Variants in BCR observed in about 807,000 individuals in gnomAD.
BCR encodes BCR activator of RhoGEF and GTPase.
BCR carries 58 observed loss-of-function variants against 138.6 expected under a neutral mutation model. The ratio of observed to expected loss-of-function variants is 0.42; its 90% CI spans 0.34 to 0.52. BCR has a LOEUF of 0.52. BCR is among the 20% of genes least tolerant of loss of function. The pLI, the probability that BCR is intolerant of heterozygous loss-of-function variation, is 0.06. For synonymous variants in BCR, 786 were observed against 730.1 expected (o/e 1.08, Z -1.23); for missense variants, 1,599 against 1,727.2 (o/e 0.93, Z 1.32).
At chr22:23,215,994 G>C (rs1208654148) in intron 1 of BCR, among the ~76,000 whole-genome samples, 1 of 152,170 alleles carries the variant, frequency 6.6e-6, no homozygotes, top group Non-Finnish European at 1.5e-5. Flanking sequence ...ATCTGGCTGA[G>C]CTGGTAATTA....
rs144690344 is a variant in BCR at position 23,284,081 on chromosome 22, C to T, written c.2220C>T (p.Leu740=). 1.4e-5 allele frequency: 22 copies of T among 1,612,288 alleles called. No homozygotes were observed. The highest frequency in any genetic ancestry group is 1.6e-5 in the Non-Finnish European group (19 of 1,179,500). ...LFTDLLLCTK[L]KKQSGGKTQQ... is the part of the protein sequence containing the mutation. ...CCGACCTGCTTCTCTGCACCAAGCT[C>T]AAGAAGCAGAGCGGAGGGTGAGTGA... The change falls in exon 9 of 23, where the codon CTC becomes CTT. Residue 740 remains leucine (L), a synonymous_variant. Coordinates refer to ENST00000305877, the MANE Select transcript of BCR (RefSeq NM_004327.4).
At chr22:23,207,921 C>G (rs1299789488) in intron 1 of BCR, among the ~76,000 whole-genome samples, 1 of 152,154 alleles carries the variant, frequency 6.6e-6, no homozygotes, top group Non-Finnish European at 1.5e-5. Context: ...CCCGTGTGTG[C>G]CTGTGACACC....
At chr22:23,306,587 C>T (rs1746791577) in intron 16 of BCR, among the ~76,000 whole-genome samples, 1 of 152,208 alleles carries the variant, frequency 6.6e-6, no homozygotes, top group Admixed American at 6.5e-5. Context: ...TTGGAAATTC[C>T]CGTAACCAAT....
chr22:23,273,019 G>A, intron 6 of BCR, 62 bp from the exon 7 acceptor site: 1 of 1,568,364 alleles, frequency 6.4e-7, no homozygotes, highest in Non-Finnish European at 8.8e-7. Context: ...CACCGAGGGT[G>A]GTCAGGCAGC....
At chr22:23,245,866 AC>A (rs2073151602) in intron 1 of BCR, among the ~76,000 whole-genome samples, 1 of 152,164 alleles carries the variant, frequency 6.6e-6, no homozygotes, top group South Asian at 2.1e-4. Context: ...TTTAAAGTGA[AC>A]AATTCCGTGG....
At chr22:23,313,940 C>G (rs1243504323) in intron 20 of BCR, 28 bp from the exon 21 acceptor site, 2 of 1,596,050 alleles carry the variant, frequency 1.3e-6, no homozygotes, top group East Asian at 2.2e-5. Flanking sequence ...CGTTGTGACC[C>G]CAAGGAGTAA....
chr22:23,189,795 T>C (rs995534523), intron 1 of BCR, among the ~76,000 whole-genome samples: 2 of 152,052 alleles, frequency 1.3e-5, no homozygotes, highest in African/African-American at 2.4e-5. Context: ...CCACCGCTCC[T>C]AGCCTAGCCC....
chr22:23,306,099 A>C (rs1444279310), intron 16 of BCR: 1 of 152,260 alleles, frequency 6.6e-6, no homozygotes, highest in Non-Finnish European at 1.5e-5. Context: ...TCTTTGGAAC[A>C]GAGCCAGCCT....
intron 1 of BCR, among the ~76,000 whole-genome samples, chr22:23,217,743 T>C (rs2072773155): frequency 6.6e-6 from 1 of 152,240 alleles, no homozygotes; most frequent in African/African-American, 2.4e-5. Flanking sequence ...TGTAAATGTT[T>C]GAAAATAAAT....
chr22:23,182,039 A>G lies in BCR; in HGVS notation c.1079A>G (p.Tyr360Cys). Residue 360 changes from tyrosine to cysteine, a missense_variant, in exon 1 of 23, where the codon TAC becomes TGC. Coordinates refer to ENST00000305877, the MANE Select transcript of BCR (RefSeq NM_004327.4). ...CGCGTGTCCCCAAGCCCCACCACCT[A>G]CCGCATGTTCCGGGACAAAAGCCGC... ...SSRVSPSPTTYRMFRDKSRSP... is the reference protein window; with the variant it reads ...SSRVSPSPTTCRMFRDKSRSP... The G allele has an allele frequency of 6.2e-7, 1 of 1,613,454 alleles. No homozygotes were observed. Among genetic ancestry groups the G allele is most frequent in the Non-Finnish European group, 8.5e-7 (1 of 1,179,806 alleles).
rs1388472733 is a variant in BCR at position 23,315,628 on chromosome 22, C to G, written c.*106C>G. 2 of 1,061,400 alleles carry G rather than the reference C, an allele frequency of 1.9e-6. No homozygotes were observed. Among genetic ancestry groups the G allele is most frequent in the African/African-American group, 1.6e-5 (1 of 64,020 alleles). 65.7% of individuals were successfully genotyped at this position (1,061,400 alleles called of 1,614,324 possible). A position where few individuals can be genotyped will look rare whatever the true frequency, so the allele number is the denominator to read the frequency against. ...TCCTGAGGTGTCCTTGGGCCACCCC[C>G]AAGTGTTGGGCCATCTGCCAAGAGA... On this transcript the variant is annotated 3_prime_UTR_variant, in exon 23 of 23. Coordinates refer to ENST00000305877, the MANE Select transcript of BCR (RefSeq NM_004327.4).
chr22:23,219,237 G>A (rs2072794145), intron 1 of BCR, among the ~76,000 whole-genome samples: 1 of 152,220 alleles, frequency 6.6e-6, no homozygotes. Context: ...GCTTCTCAAG[G>A]CTGAAAATTC....
chr22:23,235,669 C>T (rs1264928361), intron 1 of BCR, among the ~76,000 whole-genome samples: 1 of 152,128 alleles, frequency 6.6e-6, no homozygotes, highest in East Asian at 1.9e-4. Flanking sequence ...CTTCAGGCTG[C>T]TATAACAAAA....
intron 1 of BCR, among the ~76,000 whole-genome samples, chr22:23,247,862 G>T (rs969706336): frequency 1.3e-5 from 2 of 152,174 alleles, no homozygotes; most frequent in Non-Finnish European, 2.9e-5. Context: ...GAACATCAAG[G>T]TTCATCCATG....
intron 1 of BCR, among the ~76,000 whole-genome samples, chr22:23,217,449 G>C (rs1468548228): frequency 6.6e-6 from 1 of 152,218 alleles, no homozygotes; most frequent in Non-Finnish European, 1.5e-5. Flanking sequence ...TTGATGGAGT[G>C]GATAGGCCTT....
At chr22:23,227,936 G>T (rs1027554839) in intron 1 of BCR, among the ~76,000 whole-genome samples, 1 of 152,206 alleles carries the variant, frequency 6.6e-6, no homozygotes, top group Non-Finnish European at 1.5e-5. Context: ...GGGTATGGGG[G>T]TCAGGGTGAG....
chr22:23,265,130 T>A (rs113930432), intron 4 of BCR: 20 of 152,342 alleles, frequency 1.3e-4, no homozygotes, highest in African/African-American at 4.6e-4. Context: ...GAGACTTTTT[T>A]AAAACTTTAA....
chr22:23,302,175 C>T (rs530709491), intron 16 of BCR, among the ~76,000 whole-genome samples: 2 of 152,102 alleles, frequency 1.3e-5, no homozygotes, highest in Non-Finnish European at 1.5e-5. Flanking sequence ...AGAGCAGGAG[C>T]CAAAATCTGA....
intron 22 of BCR, among the ~76,000 whole-genome samples, chr22:23,314,935 C>G (rs992806470): frequency 6.6e-5 from 10 of 152,242 alleles, no homozygotes; most frequent in African/African-American, 2.4e-4. Flanking sequence ...CTTAAAACTA[C>G]CTCAAGTGTT....
Sources: gnomAD v4.1 joint callset for allele counts (sites outside exome capture counted in the v4.1 genomes callset) on GRCh38, gnomAD v4.1.1 for gene constraint, MANE v1.5 for transcripts, NCBI Gene and HGNC (gene_info 2026-07-23, HGNC 2026-07-21) for gene names.